Variants in GBE1 observed in about 807,000 individuals in gnomAD.
GBE1 encodes the protein 1,4-alpha-glucan branching enzyme 1, also known as 1,4-alpha-glucan-branching enzyme.
A neutral mutation model predicts 88.8 loss-of-function variants in GBE1; 70 were observed. That is an observed-to-expected ratio of 0.79 (90% CI 0.65 to 0.96). GBE1 has a LOEUF of 0.96. Among genes scored for constraint, GBE1 ranks in the 40% least tolerant of loss-of-function variants. The probability of loss-of-function intolerance (pLI) is 0.00; values close to 1 mark genes in which losing one functional copy is unlikely to be tolerated. For missense variants in GBE1, 872 were observed against 871.0 expected (o/e 1.00, Z -0.01); for synonymous variants, 284 against 300.1 (o/e 0.95, Z 0.56).
At chr3:81,678,952 G>A (rs905024860) in intron 2 of GBE1, among the ~76,000 whole-genome samples, 3 of 152,096 alleles carry the variant, frequency 2.0e-5, no homozygotes, top group African/African-American at 7.2e-5. Flanking sequence ...TCTACTGATA[G>A]TAGGAATTCC....
rs762184825 is a variant in GBE1 at position 81,705,571 on chromosome 3, A to G, written c.186T>C (p.Asn62=). The G allele has an allele frequency of 6.3e-7, 1 of 1,578,964 alleles. No homozygotes were observed. Among genetic ancestry groups the G allele is most frequent in the Non-Finnish European group, 8.6e-7 (1 of 1,161,154 alleles). The change falls in exon 2 of 16, where the codon AAT becomes AAC. Residue 62 remains asparagine, a synonymous_variant. Coordinates refer to ENST00000429644, the MANE Select transcript of GBE1 (RefSeq NM_000158.4). ...FSQILKNIGE[N]EGGIDKFSRG... The stretch of plus-strand genomic sequence containing the variant: ...TGGAAAACTTATCAATACCACCTTC[A>G]TTTTCTCCAATGTTCTTCAAAATTT...
chr3:81,590,183 C>A (rs1400401412), intron 9 of GBE1, among the ~76,000 whole-genome samples: 1 of 151,860 alleles, frequency 6.6e-6, no homozygotes, highest in Non-Finnish European at 1.5e-5. Context: ...ACAGTCTATA[C>A]AAAAAATAAA....
At chr3:81,644,673 G>A (rs1704740495) in intron 6 of GBE1, among the ~76,000 whole-genome samples, 1 of 152,120 alleles carries the variant, frequency 6.6e-6, no homozygotes, top group Non-Finnish European at 1.5e-5. Context: ...GATTACTCTG[G>A]CCACTGTGCA....
intron 2 of GBE1, among the ~76,000 whole-genome samples, chr3:81,685,160 T>G (rs886437664): frequency 6.6e-6 from 1 of 152,150 alleles, no homozygotes; most frequent in Non-Finnish European, 1.5e-5. Flanking sequence ...TAAACTTGTA[T>G]ACTCTACTTC....
intron 10 of GBE1, among the ~76,000 whole-genome samples, chr3:81,585,551 A>G (rs1031864152): frequency 6.6e-6 from 1 of 152,170 alleles, no homozygotes; most frequent in Non-Finnish European, 1.5e-5. Context: ...AACTGTCATT[A>G]AAGTTAATAA....
Position 81,496,562 on chromosome 3 carries a change from G to A in GBE1, c.2052+2548C>T, listed in dbSNP as rs188411867. 2.0e-3 allele frequency among the ~76,000 whole-genome samples: 303 copies of A among 152,250 alleles called. 1 individual carries two copies. The highest frequency in any genetic ancestry group is 7.0e-3 in the African/African-American group (289 of 41,546). ...CTCCTTTTAGTCTGCAAGTATGGGA[G>A]GTATGAGTGATCTCACTGGAAGTGG... is the stretch of plus-strand genomic sequence containing the variant. On this transcript the variant is annotated intron_variant, in intron 15 of 15. Coordinates refer to ENST00000429644, the MANE Select transcript of GBE1 (RefSeq NM_000158.4).
intron 14 of GBE1, among the ~76,000 whole-genome samples, chr3:81,513,292 A>G (rs1702749168): frequency 6.6e-6 from 1 of 151,800 alleles, no homozygotes; most frequent in Admixed American, 6.6e-5. Flanking sequence ...GAAATAAGAA[A>G]GAAAGGTGGG....
intron 14 of GBE1, among the ~76,000 whole-genome samples, chr3:81,524,390 C>T (rs958122014): frequency 3.3e-5 from 5 of 151,672 alleles, no homozygotes; most frequent in Admixed American, 1.3e-4. Context: ...GTTATTAATC[C>T]TTTGCCAGAT....
At chr3:81,601,964 G>A (rs1003745800) in intron 7 of GBE1, among the ~76,000 whole-genome samples, 3 of 152,054 alleles carry the variant, frequency 2.0e-5, no homozygotes, top group Non-Finnish European at 2.9e-5. Context: ...TGGAGTTTAG[G>A]GTCTAACAGG....
chr3:81,535,443 A>T, intron 13 of GBE1, 118 bp from the exon 14 acceptor site: 1 of 952,084 alleles, frequency 1.1e-6, no homozygotes, highest in South Asian at 1.9e-5. Context: ...ATTTCAGAAC[A>T]CTATATTTTT....
At chr3:81,495,253 G>A (rs535328513) in intron 15 of GBE1, among the ~76,000 whole-genome samples, 6 of 152,232 alleles carry the variant, frequency 3.9e-5, no homozygotes, top group African/African-American at 1.4e-4. Context: ...GCTGGGCGTG[G>A]TGGTGTGCGG....
chr3:81,605,297 T>C (rs1704089193), intron 7 of GBE1, among the ~76,000 whole-genome samples: 1 of 152,156 alleles, frequency 6.6e-6, no homozygotes. Flanking sequence ...TGCTCTAATA[T>C]AACCAAAAAC....
intron 1 of GBE1, among the ~76,000 whole-genome samples, chr3:81,732,631 C>A (rs1706205008): frequency 1.3e-5 from 2 of 152,116 alleles, no homozygotes; most frequent in Admixed American, 6.6e-5. Context: ...TTTATAATTT[C>A]TTACCATCAC....
chr3:81,629,178 CT>C (rs1335188062), intron 7 of GBE1, among the ~76,000 whole-genome samples: 3 of 112,640 alleles, frequency 2.7e-5, no homozygotes, highest in Non-Finnish European at 5.3e-5. Context: ...TCCCTCCCCC[CT>C]CCCCCGACCC....
At chr3:81,680,473 G>A (rs1001725264) in intron 2 of GBE1, among the ~76,000 whole-genome samples, 1 of 148,952 alleles carries the variant, frequency 6.7e-6, no homozygotes, top group Non-Finnish European at 1.5e-5. Flanking sequence ...TCCAGCCTGG[G>A]GACAGAGCGA....
intron 2 of GBE1, 26 bp downstream of exon 2, chr3:81,705,416 ATT>A (rs1465686291): frequency 1.4e-6 from 2 of 1,467,894 alleles, no homozygotes; most frequent in African/African-American, 2.9e-5. Flanking sequence ...AGATATTACT[ATT>A]TAGTTCAATG....
chr3:81,560,543 T>C (rs1343144783), intron 12 of GBE1, among the ~76,000 whole-genome samples: 1 of 152,018 alleles, frequency 6.6e-6, no homozygotes, highest in Admixed American at 6.6e-5. Flanking sequence ...TATAAAAGAT[T>C]AAAGTTCTGA....
intron 1 of GBE1, among the ~76,000 whole-genome samples, chr3:81,746,353 C>T (rs950509995): frequency 6.6e-6 from 1 of 152,068 alleles, no homozygotes; most frequent in Admixed American, 6.6e-5. Flanking sequence ...GCATTGACTT[C>T]CCAGGCTCAA....
intron 3 of GBE1, among the ~76,000 whole-genome samples, chr3:81,658,805 G>C (rs1338389765): frequency 6.6e-6 from 1 of 152,118 alleles, no homozygotes; most frequent in Non-Finnish European, 1.5e-5. Context: ...AAAGTCCAAA[G>C]GGATTATTTG....
Sources: gnomAD v4.1 joint callset for allele counts (sites outside exome capture counted in the v4.1 genomes callset) on GRCh38, gnomAD v4.1.1 for gene constraint, MANE v1.5 for transcripts, NCBI Gene and HGNC (gene_info 2026-07-23, HGNC 2026-07-21) for gene names.